KIF13A: variants seen among roughly 807,000 people sequenced by gnomAD.
KIF13A encodes kinesin family member 13A.
In KIF13A, 79 loss-of-function variants were observed where a neutral mutation model predicts 212.2. The observed-to-expected ratio is 0.37, with a 90% CI of 0.31 to 0.45. The LOEUF (loss-of-function observed/expected upper bound fraction) is 0.45, where lower values mean the gene tolerates loss of function less well. Among genes scored for constraint, KIF13A ranks in the 20% least tolerant of loss-of-function variants. The probability of loss-of-function intolerance (pLI) is 1.00; values close to 1 mark genes in which losing one functional copy is unlikely to be tolerated. For missense variants in KIF13A, 1,901 were observed against 2,209.0 expected, an observed-to-expected ratio of 0.86 and a Z score of 2.79; for synonymous variants, 789 against 808.6, an observed-to-expected ratio of 0.98 and a Z score of 0.41.
chr6:17,845,153 T>C (rs1461036126), intron 9 of KIF13A, among the ~76,000 whole-genome samples: 1 of 152,148 alleles, frequency 6.6e-6, no homozygotes, highest in Non-Finnish European at 1.5e-5. Flanking sequence ...TTTCCCCTTA[T>C]AAAACCATCG....
chr6:17,948,767 G>T (rs988799011), intron 2 of KIF13A, among the ~76,000 whole-genome samples: 13 of 151,636 alleles, frequency 8.6e-5, no homozygotes, highest in South Asian at 2.1e-4. Context: ...CACCATGTTG[G>T]CTGGGCTGGG....
In KIF13A at chr6:17,904,891, AAGATATAC is replaced by A. The variant is rs1773361414; in HGVS notation, c.147-6719_147-6712del. Among the ~76,000 whole-genome samples, 6 of 152,248 alleles carry A rather than the reference AAGATATAC, an allele frequency of 3.9e-5. No individual in the cohort carries two copies. The South Asian group carries it at 1.2e-3, about 32-fold the overall frequency. On this transcript the variant is annotated intron_variant, in intron 2 of 38. Coordinates refer to ENST00000259711, the MANE Select transcript of KIF13A (RefSeq NM_022113.6). ...GGAAATGGCTGCAACCTAGATCTGA[AAGATATAC>A]AGTTAAATAGCATTTGCCTCCTGGA... is the stretch of plus-strand genomic sequence containing the variant.
intron 4 of KIF13A, among the ~76,000 whole-genome samples, chr6:17,868,288 ACT>A (rs1769615958): frequency 6.6e-6 from 1 of 152,244 alleles, no homozygotes; most frequent in Admixed American, 6.5e-5. Flanking sequence ...ACTGGAAGTC[ACT>A]GTTATCTACT....
rs76359728 is a variant in KIF13A at position 17,820,948 on chromosome 6, A to G, written c.1787-3715T>C. 2.0e-3 allele frequency among the ~76,000 whole-genome samples: 308 copies of G among 152,330 alleles called. 7 individuals carry two copies. In the East Asian group the frequency reaches 0.051, roughly 25 times the overall value. On this transcript the variant is annotated intron_variant, in intron 16 of 38. Coordinates refer to ENST00000259711, the MANE Select transcript of KIF13A (RefSeq NM_022113.6). ...ATTGAGGGGAAACAGATCTTTGGAG[A>G]AAAAAAGAACTATTTGATCCCAGAT...
rs1250014625 is a variant in KIF13A, at chr6:17,971,253, G to A, written c.146+15801C>T. Among the ~76,000 whole-genome samples, 2 of 152,240 alleles carry A rather than the reference G, an allele frequency of 1.3e-5. No individual in the cohort carries two copies. The highest frequency in any genetic ancestry group is 3.9e-4 in the East Asian group (2 of 5,184). ...TACTTCACAGTTCAGAGTTCACATA[G>A]CTATGGTGGTATTTCCATCAATTTC... On this transcript the variant is annotated intron_variant, in intron 2 of 38. Transcript: ENST00000259711. The surrounding 1 kb of genome is among the most constrained non-coding windows in gnomAD (Gnocchi z 4.2).
intron 2 of KIF13A, among the ~76,000 whole-genome samples, chr6:17,981,133 C>T (rs189956884): frequency 2.0e-5 from 3 of 151,230 alleles, no homozygotes; most frequent in Admixed American, 1.3e-4. Context: ...CAAGCTCTTA[C>T]TAACTAAACC....
rs139947086 is a variant in KIF13A at position 17,891,707 on chromosome 6, G to A, written c.159+6461C>T. Among the ~76,000 whole-genome samples, 963 of 152,164 alleles carry A rather than the reference G, an allele frequency of 6.3e-3. 9 individuals carry two copies. The highest frequency in any genetic ancestry group is 0.027 in the Middle Eastern group (8 of 294). ...CAGGAGTTTGAGGCTGGAGTTTGAC[G>A]ATGCAGTGAGCTATGATTGTGCCAC... On this transcript the variant is annotated intron_variant, in intron 3 of 38. Coordinates refer to ENST00000259711, the MANE Select transcript of KIF13A (RefSeq NM_022113.6).
At position 17,808,909 on chromosome 6, in the gene KIF13A, G is replaced by C; in HGVS notation, c.2022C>G (p.Ser674Arg). The change falls in exon 18 of 39, where the codon AGC becomes AGG. Residue 674 changes from serine (S) to arginine (R), a missense_variant. Physicochemically the swap from Ser to Arg is moderately radical, Grantham distance 110. Transcript: ENST00000259711. ...CCAGCTGCTCTCGCAGTTTTGCCAG[G>C]CTTTGTCGGAAGAGTTCATCCCTGC... Reference protein sequence around the residue: ...AEERDELFRQSLAKLREQLVK... With the variant: ...AEERDELFRQRLAKLREQLVK... 4 of 1,612,640 alleles carry C rather than the reference G, an allele frequency of 2.5e-6. No individual in the cohort carries two copies. In the South Asian group the frequency reaches 4.4e-5, roughly 18 times the overall value.
At chr6:17,935,796 T>C (rs1776406308) in intron 2 of KIF13A, among the ~76,000 whole-genome samples, 1 of 152,182 alleles carries the variant, frequency 6.6e-6, no homozygotes, top group African/African-American at 2.4e-5. Flanking sequence ...GTACACTACA[T>C]TGATTAGTAC....
At chr6:17,818,085 T>G (rs1764107604) in intron 16 of KIF13A, among the ~76,000 whole-genome samples, 1 of 152,188 alleles carries the variant, frequency 6.6e-6, no homozygotes. Flanking sequence ...CATCACTAAG[T>G]GAGGACAGTG....
intron 13 of KIF13A, 138 bp downstream of exon 13, chr6:17,830,963 G>C (rs1035941919): frequency 5.7e-6 from 4 of 706,914 alleles, no homozygotes; most frequent in Non-Finnish European, 9.3e-6. Flanking sequence ...GTGGTGATCG[G>C]AGGGCACTAT....
chr6:17,853,948 T>G (rs906598414), intron 6 of KIF13A, among the ~76,000 whole-genome samples: 1 of 152,198 alleles, frequency 6.6e-6, no homozygotes, highest in Non-Finnish European at 1.5e-5. Context: ...TTTGACTAAG[T>G]CATGTTCCAT....
In KIF13A at chr6:17,825,682, T is replaced by C; in HGVS notation, c.1786+86A>G. 1 of 1,260,314 alleles carries C rather than the reference T, an allele frequency of 7.9e-7. No individual in the cohort carries two copies. Among genetic ancestry groups the C allele is most frequent in the Non-Finnish European group, 1.1e-6 (1 of 897,318 alleles). 78.1% of individuals were successfully genotyped at this position (1,260,314 alleles called of 1,614,324 possible). On this transcript the variant is annotated intron_variant, in intron 16 of 38. Coordinates refer to ENST00000259711, the MANE Select transcript of KIF13A (RefSeq NM_022113.6). The surrounding 1 kb of genome is among the most constrained non-coding windows in gnomAD (Gnocchi z 4.5). ...TGTGTTTAAAATGTGGAATGCGGAA[T>C]GACACCTGATGCATGCTTATCCCTC...
chr6:17,974,662 T>C (rs6913083), intron 2 of KIF13A, among the ~76,000 whole-genome samples: 1 of 151,662 alleles, frequency 6.6e-6, no homozygotes, highest in Admixed American at 6.6e-5. Context: ...GAAGCTTTTT[T>C]AAAAAAAATC....
Position 17,898,180 on chromosome 6 carries a change from C to T in KIF13A, c.147G>A (p.Arg49=). 6.2e-7 allele frequency: 1 copy of T among 1,612,544 alleles called. No individual in the cohort carries two copies. Among genetic ancestry groups the T allele is most frequent in the Non-Finnish European group, 8.5e-7 (1 of 1,179,276 alleles). The change falls in exon 3 of 39, where the codon AGG becomes AGA. Residue 49 remains arginine, a splice_region_variant and synonymous_variant. Coordinates refer to ENST00000259711, the MANE Select transcript of KIF13A (RefSeq NM_022113.6). The surrounding 1 kb of genome is among the most constrained non-coding windows in gnomAD (Gnocchi z 5.2). ...PPPSNTKQGE[R]KPPKVFAFDY... ...TATTAGTGCTTACCTTGGGAGGTTTCCTTAATGATGGGAAAAAAAAAATTC... is the reference window on the plus strand; with the variant it reads ...TATTAGTGCTTACCTTGGGAGGTTTTCTTAATGATGGGAAAAAAAAAATTC...
Position 17,850,552 on chromosome 6 carries a change from C to T in KIF13A, c.583-95G>A, listed in dbSNP as rs1767539631. The T allele has an allele frequency of 8.0e-7, 1 of 1,246,290 alleles. No individual in the cohort carries two copies. Among genetic ancestry groups the T allele is most frequent in the Non-Finnish European group, 1.1e-6 (1 of 923,940 alleles). The allele number at this position is 1,246,290 out of a possible 1,614,324, so 77.2% of individuals were successfully genotyped here. A position where few individuals can be genotyped will look rare whatever the true frequency, so the allele number is the denominator to read the frequency against. Reference sequence around the variant, plus strand: ...TGTATTAATTATGATTCCTCTGATGCCTTTGTCACCACCCTTCCATAGAAA... The same window carrying T: ...TGTATTAATTATGATTCCTCTGATGTCTTTGTCACCACCCTTCCATAGAAA... On this transcript the variant is annotated intron_variant, in intron 7 of 38. Transcript: ENST00000259711. The surrounding 1 kb of genome is among the most constrained non-coding windows in gnomAD (Gnocchi z 6.2).
In KIF13A at chr6:17,806,926, C is replaced by A. The variant is rs149647956; in HGVS notation, c.2164-1311G>T. On this transcript the variant is annotated intron_variant, in intron 18 of 38. Coordinates refer to ENST00000259711, the MANE Select transcript of KIF13A (RefSeq NM_022113.6). ...AGTCAGGGACCCCAAACGGAGGGAC[C>A]GGCTGGAACCGTAGCAGAGGAAGAT... is the stretch of plus-strand genomic sequence containing the variant. 2.4e-4 allele frequency among the ~76,000 whole-genome samples: 36 copies of A among 152,276 alleles called. No homozygotes were observed. In the East Asian group the frequency reaches 6.8e-3, roughly 29 times the overall value.
chr6:17,923,457 C>T (rs922003619), intron 2 of KIF13A, among the ~76,000 whole-genome samples: 4 of 151,340 alleles, frequency 2.6e-5, no homozygotes, highest in African/African-American at 9.7e-5. Flanking sequence ...TAAGTCTTCA[C>T]AATTAAAACA....
At position 17,826,952 on chromosome 6, in the gene KIF13A, A is replaced by T. The variant is rs1013252308; in HGVS notation, c.1533-828T>A. 2.0e-5 allele frequency among the ~76,000 whole-genome samples: 3 copies of T among 151,782 alleles called. No individual in the cohort carries two copies. The highest frequency in any genetic ancestry group is 4.4e-5 in the Non-Finnish European group (3 of 67,932). ...GTGGTGGGCGCCTGTAATCCCAGCT[A>T]CTTGGGAGGCGAGGCAGGAGGTTTG... On this transcript the variant is annotated intron_variant, in intron 14 of 38. Transcript: ENST00000259711. This position sits in a 1 kb window ranked among gnomAD's most constrained non-coding sequence, Gnocchi z 4.7.
Sources: allele counts gnomAD v4.1 joint callset (sites outside exome capture counted in the v4.1 genomes callset), GRCh38; gene constraint gnomAD v4.1.1; non-coding constraint Gnocchi (gnomAD v3.1); transcripts MANE v1.5; gene names NCBI Gene and HGNC (gene_info 2026-07-23, HGNC 2026-07-21).